HSD17B4: variants seen among roughly 807,000 people sequenced by gnomAD.
HSD17B4 encodes the protein peroxisomal multifunctional enzyme type 2.
HSD17B4 carries 70 observed loss-of-function variants against 101.0 expected under a neutral mutation model. The ratio of observed to expected loss-of-function variants is 0.69; its 90% CI spans 0.57 to 0.85. The LOEUF (loss-of-function observed/expected upper bound fraction) is 0.85, where lower values mean the gene tolerates loss of function less well. HSD17B4 is among the 40% of genes least tolerant of loss of function. HSD17B4 has a pLI of 0.00. For synonymous variants in HSD17B4, 347 were observed against 297.1 expected, an observed-to-expected ratio of 1.17 and a Z score of -1.73; for missense variants, 984 against 892.4, an observed-to-expected ratio of 1.10 and a Z score of -1.31.
chr5:119,492,125 G>A lies in HSD17B4; in HGVS notation c.739+1G>A, dbSNP rs1561456373. 1.2e-6 allele frequency: 2 copies of A among 1,605,926 alleles called. No homozygotes were observed. Among genetic ancestry groups the A allele is most frequent in the Non-Finnish European group, 1.7e-6 (2 of 1,172,892 alleles). On this transcript the variant is annotated splice_donor_variant, in intron 10 of 23. Coordinates refer to ENST00000510025, the MANE Select transcript of HSD17B4 (RefSeq NM_000414.4). LOFTEE classifies it high-confidence loss of function. ...GTTGGAGCAGGATGGATTGGAAAAT[G>A]TAAGTCTCTCTCAGTTTTTGGTTTG...
chr5:119,478,176 A>G (rs528333927), intron 7 of HSD17B4: 3 of 155,580 alleles, frequency 1.9e-5, no homozygotes, highest in Non-Finnish European at 4.3e-5. Context: ...TAGGAACTGT[A>G]GGACCCCTCA....
chr5:119,463,257 T>G (rs1755443950), intron 2 of HSD17B4, among the ~76,000 whole-genome samples: 1 of 152,220 alleles, frequency 6.6e-6, no homozygotes, highest in Non-Finnish European at 1.5e-5. Context: ...ATGCATCTGT[T>G]GATGAACGCT....
At chr5:119,471,893 G>A (rs1358296596) in intron 2 of HSD17B4, among the ~76,000 whole-genome samples, 1 of 152,038 alleles carries the variant, frequency 6.6e-6, no homozygotes, top group Non-Finnish European at 1.5e-5. Flanking sequence ...TGTGGCCATC[G>A]CATACTTAAC....
intron 6 of HSD17B4, 102 bp downstream of exon 6, chr5:119,475,972 C>T (rs1748546280): frequency 3.7e-6 from 3 of 810,594 alleles, no homozygotes; most frequent in East Asian, 2.6e-5. Context: ...CTTCTATCTA[C>T]TTTTGCTGCT....
Position 119,527,179 on chromosome 5 carries a change from A to G in HSD17B4, c.1727A>G (p.Glu576Gly). 6.2e-7 allele frequency: 1 copy of G among 1,610,426 alleles called. No individual in the cohort carries two copies. Among genetic ancestry groups the G allele is most frequent in the East Asian group, 2.2e-5 (1 of 44,726 alleles). Residue 576 changes from glutamate (E) to glycine (G), a missense_variant, in exon 20 of 24, where the codon GAG (glutamate) becomes GGG (glycine). Physicochemically the swap from Glu to Gly is moderately conservative, Grantham distance 98 (BLOSUM62 -2). Coordinates refer to ENST00000510025, the MANE Select transcript of HSD17B4 (RefSeq NM_000414.4). Reference protein sequence around the residue: ...PVYPGQTLQTEMWKEGNRIHF... With the variant: ...PVYPGQTLQTGMWKEGNRIHF... The stretch of plus-strand genomic sequence containing the variant: ...TATCCAGGACAAACTCTACAAACTG[A>G]GATGTGGAAGGAAGGAAACAGAATT...
At chr5:119,524,494 A>G (rs1225242098) in intron 17 of HSD17B4, among the ~76,000 whole-genome samples, 2 of 152,176 alleles carry the variant, frequency 1.3e-5, no homozygotes, top group Non-Finnish European at 2.9e-5. Context: ...GATACATTAA[A>G]TACACTTACT....
chr5:119,473,612 C>G (rs1297827132), intron 2 of HSD17B4, among the ~76,000 whole-genome samples: 2 of 152,108 alleles, frequency 1.3e-5, no homozygotes, highest in African/African-American at 4.8e-5. Context: ...TATAAGCCAC[C>G]ATGCCCAGTC....
intron 8 of HSD17B4, among the ~76,000 whole-genome samples, chr5:119,482,080 A>G (rs1273501315): frequency 6.7e-6 from 1 of 149,984 alleles, no homozygotes; most frequent in Non-Finnish European, 1.5e-5. Context: ...CTCAGCCATC[A>G]CTCCTTCAAA....
chr5:119,506,084 G>A (rs1751624133), intron 14 of HSD17B4, among the ~76,000 whole-genome samples: 1 of 152,052 alleles, frequency 6.6e-6, no homozygotes, highest in Non-Finnish European at 1.5e-5. Flanking sequence ...TGTTACATAG[G>A]TATACACGTG....
chr5:119,536,540 A>G lies in HSD17B4; in HGVS notation c.2111A>G (p.Asp704Gly). Residue 704 changes from aspartate to glycine, a missense_variant, in exon 23 of 24, where the codon GAC becomes GGC. By Grantham distance (94) the Asp-to-Gly change is moderately conservative. Coordinates refer to ENST00000510025, the MANE Select transcript of HSD17B4 (RefSeq NM_000414.4). Reference protein sequence around the residue: ...DFMEVVLGKLDPQKAFFSGRL... With the variant: ...DFMEVVLGKLGPQKAFFSGRL... ...ATGGAGGTGGTCCTGGGCAAGCTTGACCCTCAGAAGGTAATGTTCTCAAAT... is the reference window on the plus strand; with the variant it reads ...ATGGAGGTGGTCCTGGGCAAGCTTGGCCCTCAGAAGGTAATGTTCTCAAAT... 6.2e-7 allele frequency: 1 copy of G among 1,611,808 alleles called. No individual in the cohort carries two copies. The highest frequency in any genetic ancestry group is 8.5e-7 in the Non-Finnish European group (1 of 1,178,268).
intron 22 of HSD17B4, 136 bp downstream of exon 22, chr5:119,531,540 T>A (rs1475695076): frequency 8.8e-6 from 7 of 797,716 alleles, no homozygotes; most frequent in Non-Finnish European, 1.5e-5. Flanking sequence ...CCCGTGGGAA[T>A]GAATAGGTTT....
At chr5:119,473,312 T>C (rs1748207018) in intron 2 of HSD17B4, among the ~76,000 whole-genome samples, 3 of 105,684 alleles carry the variant, frequency 2.8e-5, no homozygotes, top group Non-Finnish European at 2.0e-5. Context: ...TCTTCCCTGC[T>C]CCTTTTTTTT....
chr5:119,477,596 T>C (rs1748709898), intron 7 of HSD17B4, 95 bp downstream of exon 7: 3 of 866,218 alleles, frequency 3.5e-6, no homozygotes, highest in Non-Finnish European at 6.0e-6. Flanking sequence ...TGTGAAATGA[T>C]TTATGACATT....
intron 5 of HSD17B4, 38 bp from the exon 6 acceptor site, chr5:119,475,786 C>CT: frequency 6.3e-7 from 1 of 1,577,958 alleles, no homozygotes; most frequent in South Asian, 1.1e-5. Flanking sequence ...AAAGTATATA[C>CT]TTTCCTCCTT....
chr5:119,479,410 C>A (rs1448975997), intron 8 of HSD17B4, among the ~76,000 whole-genome samples: 2 of 152,126 alleles, frequency 1.3e-5, no homozygotes, highest in Non-Finnish European at 2.9e-5. Flanking sequence ...ACAGTTTCCC[C>A]TGTTATTAAC....
chr5:119,467,490 A>G (rs1755924955), intron 2 of HSD17B4, among the ~76,000 whole-genome samples: 1 of 152,122 alleles, frequency 6.6e-6, no homozygotes, highest in South Asian at 2.1e-4. Context: ...GTGCATATAT[A>G]TTTACAACTG....
intron 15 of HSD17B4, 106 bp from the exon 16 acceptor site, chr5:119,509,035 G>A (rs1751918665): frequency 1.4e-6 from 1 of 717,404 alleles, no homozygotes; most frequent in Non-Finnish European, 2.5e-6. Flanking sequence ...TCAGTAATTG[G>A]ATTTTGTTTT....
intron 17 of HSD17B4, 47 bp from the exon 18 acceptor site, chr5:119,525,169 T>G: frequency 7.6e-7 from 1 of 1,321,186 alleles, no homozygotes; most frequent in African/African-American, 1.5e-5. Flanking sequence ...ATTTAATGTA[T>G]TCTAACAAAA....
intron 2 of HSD17B4, among the ~76,000 whole-genome samples, chr5:119,468,958 C>A (rs551593043): frequency 6.7e-6 from 1 of 149,034 alleles, no homozygotes; most frequent in Non-Finnish European, 1.5e-5. Flanking sequence ...TTTCTTTTTC[C>A]TATCAGTTGG....
Sources: gnomAD v4.1 joint callset for allele counts (sites outside exome capture counted in the v4.1 genomes callset) on GRCh38, gnomAD v4.1.1 for gene constraint, MANE v1.5 for transcripts, NCBI Gene and HGNC (gene_info 2026-07-23, HGNC 2026-07-21) for gene names.